Variants in CHD2 observed in about 807,000 individuals in gnomAD.
CHD2 encodes the protein ATP-dependent chromatin remodeler CHD2.
Under a neutral mutation model 243.9 loss-of-function variants are expected in CHD2, and 28 were observed. The observed-to-expected ratio is 0.11, with a 90% CI of 0.09 to 0.16. The LOEUF (loss-of-function observed/expected upper bound fraction) is 0.16. Ranked by LOEUF, CHD2 falls within the 10% of genes least tolerant of loss-of-function variation. The pLI is 1.00. For synonymous variants in CHD2, 775 were observed against 779.0 expected (o/e 0.99, Z 0.09); for missense variants, 1,386 against 2,209.8 (o/e 0.63, Z 7.47).
At chr15:92,952,479 T>A (rs960304654) in intron 13 of CHD2, among the ~76,000 whole-genome samples, 2 of 152,154 alleles carry the variant, frequency 1.3e-5, no homozygotes, top group Non-Finnish European at 1.5e-5. Context: ...CTGGGGGTGA[T>A]GGGAGACAGC....
rs145529343 is a variant in CHD2, at chr15:92,951,152, C to T, written c.1502+2076C>T. ...ATGGTGTTTTGTGTACAGTCCTTGG[C>T]CAGCATTTTTTAGACTTTTTATTTT... On this transcript the variant is annotated intron_variant, in intron 13 of 38. Coordinates refer to ENST00000394196, the MANE Select transcript of CHD2 (RefSeq NM_001271.4). 2.5e-3 allele frequency among the ~76,000 whole-genome samples: 377 copies of T among 152,122 alleles called. 2 individuals carry two copies. The highest frequency in any genetic ancestry group is 8.6e-3 in the African/African-American group (359 of 41,508).
At chr15:92,925,927 G>A (rs1021641323) in intron 3 of CHD2, among the ~76,000 whole-genome samples, 1 of 152,102 alleles carries the variant, frequency 6.6e-6, no homozygotes, top group African/African-American at 2.4e-5. Flanking sequence ...TGTTGTTGTT[G>A]TTAAAGTCAT....
At chr15:92,933,839 C>G (rs2053219500) in intron 5 of CHD2, among the ~76,000 whole-genome samples, 1 of 152,216 alleles carries the variant, frequency 6.6e-6, no homozygotes, top group Admixed American at 6.5e-5. Flanking sequence ...CTCCTTGGTT[C>G]AAGCCATCCT....
chr15:92,999,928 A>T (rs2054232439), intron 31 of CHD2, among the ~76,000 whole-genome samples: 1 of 152,130 alleles, frequency 6.6e-6, no homozygotes, highest in Non-Finnish European at 1.5e-5. Flanking sequence ...TGTCTTTAGG[A>T]TGGATTCCAA....
chr15:93,002,547 A>T (rs1427373291), intron 33 of CHD2, among the ~76,000 whole-genome samples: 1 of 152,220 alleles, frequency 6.6e-6, no homozygotes, highest in Non-Finnish European at 1.5e-5. Context: ...TTGGTCTTTT[A>T]TGACATATTT....
intron 16 of CHD2, among the ~76,000 whole-genome samples, chr15:92,959,599 C>T (rs912966096): frequency 1.3e-5 from 2 of 152,154 alleles, no homozygotes; most frequent in Non-Finnish European, 2.9e-5. Flanking sequence ...TCAAGTGATT[C>T]TCCTGCCTCA....
At chr15:92,937,470 G>A (rs751630065) in intron 5 of CHD2, 48 bp from the exon 6 acceptor site, 1 of 1,380,808 alleles carries the variant, frequency 7.2e-7, no homozygotes, top group Non-Finnish European at 1.0e-6. Flanking sequence ...TATTTATCTT[G>A]AAGGATTCTT....
chr15:93,015,119 C>A (rs1345164554), intron 37 of CHD2, among the ~76,000 whole-genome samples: 4 of 152,118 alleles, frequency 2.6e-5, no homozygotes, highest in African/African-American at 7.2e-5. Context: ...TGCTCTGTCA[C>A]CCAGGCTGGA....
At chr15:92,987,342 A>C (rs1017706468) in intron 26 of CHD2, among the ~76,000 whole-genome samples, 3 of 152,168 alleles carry the variant, frequency 2.0e-5, no homozygotes, top group Admixed American at 2.0e-4. Flanking sequence ...TCACGCCTGT[A>C]ATCCCAGCAC....
chr15:92,993,576 G>A (rs1280798222), intron 28 of CHD2, among the ~76,000 whole-genome samples: 2 of 98,568 alleles, frequency 2.0e-5, no homozygotes, highest in East Asian at 1.6e-3. Flanking sequence ...AAAAGCAAGA[G>A]GTATAGGAAT....
At chr15:92,917,318 G>C (rs1420514484) in intron 2 of CHD2, among the ~76,000 whole-genome samples, 3 of 152,160 alleles carry the variant, frequency 2.0e-5, no homozygotes, top group African/African-American at 7.2e-5. Flanking sequence ...TAGCACTTTG[G>C]GAGGCCAAGG....
chr15:92,993,391 CAA>C (rs2141862290), intron 28 of CHD2, among the ~76,000 whole-genome samples: 1 of 152,218 alleles, frequency 6.6e-6, no homozygotes, highest in African/African-American at 2.4e-5. Flanking sequence ...ATGGCAAACA[CAA>C]AGGATTTAGA....
At chr15:92,967,275 T>G in intron 16 of CHD2, 50 bp from the exon 17 acceptor site, 3 of 1,349,280 alleles carry the variant, frequency 2.2e-6, no homozygotes, top group Non-Finnish European at 3.0e-6. Flanking sequence ...TTTTTCCTAT[T>G]CTTCTTTTCC....
At chr15:92,914,981 T>G (rs1371462529) in intron 2 of CHD2, 1 of 152,224 alleles carries the variant, frequency 6.6e-6, no homozygotes, top group African/African-American at 2.4e-5. Flanking sequence ...TCTGGGGATT[T>G]GGGTATCTTC....
At chr15:92,915,817 T>G (rs1288895897) in intron 2 of CHD2, among the ~76,000 whole-genome samples, 3 of 152,306 alleles carry the variant, frequency 2.0e-5, no homozygotes, top group Non-Finnish European at 4.4e-5. Flanking sequence ...GCCTCCCATT[T>G]TTTTCCTAAA....
At chr15:92,951,245 A>G (rs1455098959) in intron 13 of CHD2, among the ~76,000 whole-genome samples, 2 of 152,080 alleles carry the variant, frequency 1.3e-5, no homozygotes, top group Non-Finnish European at 2.9e-5. Flanking sequence ...ATCTTGGCTC[A>G]CTGCAACCTC....
intron 26 of CHD2, among the ~76,000 whole-genome samples, chr15:92,988,349 G>T (rs879903076): frequency 6.6e-6 from 1 of 151,984 alleles, no homozygotes; most frequent in Non-Finnish European, 1.5e-5. Context: ...CCTCCCAAAG[G>T]GCTGGGATTA....
Position 92,930,417 on chromosome 15 carries a change from T to C in CHD2, c.443+1326T>C, listed in dbSNP as rs10162841. The stretch of plus-strand genomic sequence containing the variant: ...TGCGCTTACTCTGGTTACTGGCTCA[T>C]AGTCTTGTCAGCCTTTTTGTTTTGT... On this transcript the variant is annotated intron_variant, in intron 5 of 38. Coordinates refer to ENST00000394196, the MANE Select transcript of CHD2 (RefSeq NM_001271.4). Among the ~76,000 whole-genome samples the C allele has an allele frequency of 3.8e-3, 575 of 152,228 alleles. 5 individuals are homozygous for C. The highest frequency in any genetic ancestry group is 0.013 in the African/African-American group (550 of 41,540).
At chr15:92,907,778 T>A (rs922445011) in intron 2 of CHD2, among the ~76,000 whole-genome samples, 30 of 152,196 alleles carry the variant, frequency 2.0e-4, no homozygotes, top group Non-Finnish European at 4.3e-4. Context: ...TTAGTAAGGT[T>A]ATTTTATTCT....
Sources: gnomAD v4.1 joint callset for allele counts (sites outside exome capture counted in the v4.1 genomes callset) on GRCh38, gnomAD v4.1.1 for gene constraint, MANE v1.5 for transcripts, NCBI Gene and HGNC (gene_info 2026-07-23, HGNC 2026-07-21) for gene names.